The following ATP2C2 variants were observed in gnomAD, a reference collection of about 807,000 sequenced individuals.
The protein encoded by ATP2C2 is ATPase secretory pathway Ca2+ transporting 2.
A neutral mutation model predicts 110.8 loss-of-function variants in ATP2C2; 171 were observed. That is an observed-to-expected ratio of 1.54 (90% CI 1.36 to 1.75). The LOEUF is 1.75. Ranked by LOEUF, ATP2C2 falls within the 40% of genes most tolerant of loss-of-function variation. ATP2C2 has a pLI of 0.00. For missense variants in ATP2C2, 1,963 were observed against 1,235.0 expected, an observed-to-expected ratio of 1.59 and a Z score of -8.84; for synonymous variants, 804 against 508.4, an observed-to-expected ratio of 1.58 and a Z score of -7.82.
In ATP2C2 at chr16:84,459,014, T is replaced by C. The variant is rs867877202; in HGVS notation, c.2148-106T>C. ...AGGGGAACCAGCAGGGGCCCAAGTA[T>C]AACATCAATCTGGGCGAGTCACCAC... On this transcript the variant is annotated intron_variant, in intron 21 of 26. Coordinates refer to ENST00000262429, the MANE Select transcript of ATP2C2 (RefSeq NM_014861.4). The C allele has an allele frequency of 1.8e-5, 22 of 1,244,038 alleles. 1 individual carries two copies. In the African/African-American group the frequency reaches 2.2e-4, roughly 13 times the overall value. The allele number at this position is 1,244,038 out of a possible 1,614,324, so 77.1% of individuals were successfully genotyped here. A position where few individuals can be genotyped will look rare whatever the true frequency, so the allele number is the denominator to read the frequency against.
intron 11 of ATP2C2, among the ~76,000 whole-genome samples, chr16:84,430,118 G>C (rs1908135127): frequency 6.6e-6 from 1 of 152,188 alleles, no homozygotes; most frequent in South Asian, 2.1e-4. Context: ...GGCCCTGTTT[G>C]CACATAAGGT....
chr16:84,394,443 C>T (rs1163952640), intron 1 of ATP2C2, among the ~76,000 whole-genome samples: 1 of 152,116 alleles, frequency 6.6e-6, no homozygotes, highest in Non-Finnish European at 1.5e-5. Context: ...GACTCACATA[C>T]CGTGTGGCCT....
chr16:84,432,531 T>C (rs1259449498), intron 11 of ATP2C2, among the ~76,000 whole-genome samples: 1 of 151,846 alleles, frequency 6.6e-6, no homozygotes, highest in Non-Finnish European at 1.5e-5. Context: ...CGTGTTTGCT[T>C]GCTTGTTTTT....
chr16:84,387,230 G>C (rs935296198), intron 1 of ATP2C2, among the ~76,000 whole-genome samples: 1 of 152,178 alleles, frequency 6.6e-6, no homozygotes, highest in Non-Finnish European at 1.5e-5. Flanking sequence ...CTATATAAAA[G>C]CCCAAACTGG....
At position 84,460,660 on chromosome 16, in the gene ATP2C2, G is replaced by A. The variant is rs1351872350; in HGVS notation, c.2340G>A (p.Gly780=). Residue 780 remains glycine, a synonymous_variant, in exon 24 of 27, where the codon GGG becomes GGA. Transcript: ENST00000262429. Reference sequence around the variant, plus strand: ...TGTGTCTTGTTCGGAGCAGCTTGGGGGTAGAGCCCGTTGACAAAGACGCCT... The same window carrying A: ...TGTGTCTTGTTCGGAGCAGCTTGGGAGTAGAGCCCGTTGACAAAGACGCCT... ...IMDGPPAQSL[G]VEPVDKDAFR... is the part of the protein sequence containing the mutation. 2 of 1,614,228 alleles carry A rather than the reference G, an allele frequency of 1.2e-6. No individual in the cohort carries two copies. Among genetic ancestry groups the A allele is most frequent in the Admixed American group, 1.7e-5 (1 of 60,028 alleles).
In ATP2C2 at chr16:84,449,321, G is replaced by C. The variant is rs376329164; in HGVS notation, c.1660+632G>C. Among the ~76,000 whole-genome samples the C allele has an allele frequency of 5.9e-5, 9 of 152,368 alleles. No homozygotes were observed. In the South Asian group the frequency reaches 1.2e-3, roughly 21 times the overall value. On this transcript the variant is annotated intron_variant, in intron 17 of 26. Transcript: ENST00000262429. ...GCTTGCTCAGAGGTGTACGGGGCGA[G>C]ACCCTTGCGGCTTTCTGGGGCACAG...
At chr16:84,438,522 C>T (rs1908945384) in intron 11 of ATP2C2, among the ~76,000 whole-genome samples, 1 of 152,214 alleles carries the variant, frequency 6.6e-6, no homozygotes, top group African/African-American at 2.4e-5. Context: ...CTCACCAGCT[C>T]AGCTTGGGTC....
intron 11 of ATP2C2, among the ~76,000 whole-genome samples, chr16:84,438,070 T>C (rs574501545): frequency 4.6e-5 from 7 of 152,396 alleles, no homozygotes; most frequent in African/African-American, 1.7e-4. Flanking sequence ...TTCCTTTCTT[T>C]GGCTAAAGTG....
chr16:84,406,179 G>A (rs898300893), intron 3 of ATP2C2, among the ~76,000 whole-genome samples: 1 of 152,160 alleles, frequency 6.6e-6, no homozygotes, highest in Non-Finnish European at 1.5e-5. Flanking sequence ...CGGTGCTGGC[G>A]CGGTGCTGAA....
intron 20 of ATP2C2, 72 bp from the exon 21 acceptor site, chr16:84,454,746 C>T (rs1910628394): frequency 2.1e-6 from 3 of 1,453,080 alleles, no homozygotes; most frequent in South Asian, 2.9e-5. Flanking sequence ...TGGCTGGCCA[C>T]AGGGTGTGCA....
At chr16:84,429,408 C>T (rs1338624580) in intron 11 of ATP2C2, among the ~76,000 whole-genome samples, 1 of 152,204 alleles carries the variant, frequency 6.6e-6, no homozygotes, top group African/African-American at 2.4e-5. Flanking sequence ...CTGCCTCAGC[C>T]TCCCAAAGTG....
chr16:84,372,942 G>A lies in ATP2C2; in HGVS notation c.99+4228G>A, dbSNP rs940024325. The stretch of plus-strand genomic sequence containing the variant: ...TCAAGACCAACCTGGCCAATATGGT[G>A]AAACCCCTCTCTACTAAAAATACAA... On this transcript the variant is annotated intron_variant, in intron 1 of 26. Transcript: ENST00000262429. 4.0e-5 allele frequency among the ~76,000 whole-genome samples: 6 copies of A among 149,808 alleles called. No homozygotes were observed. The South Asian group carries it at 6.6e-4, about 17-fold the overall frequency.
chr16:84,415,811 G>C (rs1162705669), intron 7 of ATP2C2, among the ~76,000 whole-genome samples: 1 of 152,074 alleles, frequency 6.6e-6, no homozygotes, highest in Non-Finnish European at 1.5e-5. Context: ...CTTTAAGCCT[G>C]ACAACCTTTG....
chr16:84,452,061 G>T lies in ATP2C2; in HGVS notation c.1801G>T (p.Gly601Trp). The part of the protein sequence containing the change: ...ESGVSVKMIT[G>W]DALETALAIG... ...TGGTGTGTCTGTGAAGATGATAACGGGGGATGCCCTGGAGACGGCCTTGGC... is the reference window on the plus strand; with the variant it reads ...TGGTGTGTCTGTGAAGATGATAACGTGGGATGCCCTGGAGACGGCCTTGGC... Residue 601 changes from glycine (G) to tryptophan (W), a missense_variant, in exon 18 of 27, where the codon GGG (glycine) becomes TGG (tryptophan). Physicochemically the swap from Gly to Trp is radical, Grantham distance 184. Transcript: ENST00000262429. The T allele has an allele frequency of 6.2e-7, 1 of 1,613,992 alleles. No individual in the cohort carries two copies. Among genetic ancestry groups the T allele is most frequent in the South Asian group, 1.1e-5 (1 of 91,052 alleles).
intron 6 of ATP2C2, among the ~76,000 whole-genome samples, chr16:84,411,272 T>A (rs1048973661): frequency 3.3e-5 from 5 of 151,252 alleles, no homozygotes; most frequent in Admixed American, 3.3e-4. Context: ...CAGTTTTCCA[T>A]TGGTTACTGC....
In ATP2C2 at chr16:84,458,730, T is replaced by C. The variant is rs556948644; in HGVS notation, c.2148-390T>C. The stretch of plus-strand genomic sequence containing the variant: ...CCTCCTTACCGTCCTCCGGACCTCA[T>C]TTTTAGGCCGAACTGGTTTTGCTGC... On this transcript the variant is annotated intron_variant, in intron 21 of 26. Transcript: ENST00000262429. Among the ~76,000 whole-genome samples, 28 of 152,314 alleles carry C rather than the reference T, an allele frequency of 1.8e-4. No homozygotes were observed. In the South Asian group the frequency reaches 5.8e-3, roughly 32 times the overall value.
chr16:84,423,963 TGG>T (rs200547745), intron 10 of ATP2C2, among the ~76,000 whole-genome samples: 68,530 of 151,908 alleles, frequency 0.45, 15,768 homozygotes, highest in African/African-American at 0.5. Context: ...CAGTCCCTTC[TGG>T]GGCTTCTTCC....
intron 1 of ATP2C2, among the ~76,000 whole-genome samples, chr16:84,387,177 G>T (rs1034998153): frequency 6.6e-6 from 1 of 152,116 alleles, no homozygotes; most frequent in African/African-American, 2.4e-5. Flanking sequence ...TTGGGCACTC[G>T]TATCTCCTGG....
intron 11 of ATP2C2, among the ~76,000 whole-genome samples, chr16:84,433,307 T>G (rs1908443356): frequency 6.6e-6 from 1 of 151,880 alleles, no homozygotes; most frequent in Non-Finnish European, 1.5e-5. Flanking sequence ...TGCTTGAGCC[T>G]GGGAAGTCAA....
Sources: gnomAD v4.1 joint callset for allele counts (sites outside exome capture counted in the v4.1 genomes callset) on GRCh38, gnomAD v4.1.1 for gene constraint, MANE v1.5 for transcripts, NCBI Gene and HGNC (gene_info 2026-07-23, HGNC 2026-07-21) for gene names.